DYSF: variants seen among roughly 807,000 people sequenced by gnomAD.
The protein encoded by DYSF is dystrophy-associated fer-1-like 1.
A neutral mutation model predicts 274.9 loss-of-function variants in DYSF; 212 were observed. The ratio of observed to expected loss-of-function variants is 0.77; its 90% confidence interval spans 0.69 to 0.86. DYSF has a LOEUF of 0.86. DYSF is among the 40% of genes least tolerant of loss of function. The pLI, the probability that DYSF is intolerant of heterozygous loss-of-function variation, is 0.00. For synonymous variants in DYSF, 1,091 were observed against 1,078.7 expected (o/e 1.01, Z -0.22); for missense variants, 2,666 against 2,783.2 (o/e 0.96, Z 0.95).
At chr2:71,649,731 C>T (rs142489561) in intron 42 of DYSF, among the ~76,000 whole-genome samples, 1 of 152,202 alleles carries the variant, frequency 6.6e-6, no homozygotes, top group Admixed American at 6.5e-5. Flanking sequence ...AAATACATTA[C>T]ATGACTATAT....
At chr2:71,481,840 G>A in intron 2 of DYSF, 39 bp from the exon 3 acceptor site, 2 of 1,553,036 alleles carry the variant, frequency 1.3e-6, no homozygotes, top group Non-Finnish European at 1.8e-6. Context: ...TTCTCCTAGA[G>A]GGCCATAGGT....
At chr2:71,616,439 C>T (rs2093885184) in intron 40 of DYSF, among the ~76,000 whole-genome samples, 1 of 141,358 alleles carries the variant, frequency 7.1e-6, no homozygotes, top group Admixed American at 7.5e-5. Flanking sequence ...TTTAGAGTGG[C>T]AGACTAGGGG....
chr2:71,605,437 C>G (rs17583412), intron 36 of DYSF, among the ~76,000 whole-genome samples: 79,841 of 152,096 alleles, frequency 0.52, 21,455 homozygotes, highest in East Asian at 0.74. Context: ...CTGAGGTGAT[C>G]GTGGGTCCCT....
chr2:71,641,555 C>T (rs2094486872), intron 41 of DYSF, among the ~76,000 whole-genome samples: 1 of 152,058 alleles, frequency 6.6e-6, no homozygotes, highest in South Asian at 2.1e-4. Context: ...TTACAATTTT[C>T]TTTGGTCTTT....
intron 52 of DYSF, among the ~76,000 whole-genome samples, chr2:71,674,728 C>A (rs1274215267): frequency 6.6e-6 from 1 of 152,172 alleles, no homozygotes; most frequent in Non-Finnish European, 1.5e-5. Flanking sequence ...ATCCCCATTA[C>A]CCCCAGACAG....
chr2:71,484,735 T>C (rs2083229356), intron 3 of DYSF, among the ~76,000 whole-genome samples: 1 of 152,238 alleles, frequency 6.6e-6, no homozygotes, highest in South Asian at 2.1e-4. Context: ...AAATTAGTTC[T>C]CTGTAGGGAG....
chr2:71,514,531 C>T (rs1352558734), intron 7 of DYSF, among the ~76,000 whole-genome samples: 4 of 152,026 alleles, frequency 2.6e-5, no homozygotes, highest in Non-Finnish European at 4.4e-5. Flanking sequence ...CATTTTTATC[C>T]AAAAATCCAT....
intron 43 of DYSF, among the ~76,000 whole-genome samples, chr2:71,657,137 C>T (rs1395674842): frequency 2.0e-5 from 3 of 152,160 alleles, no homozygotes; most frequent in African/African-American, 7.2e-5. Flanking sequence ...TGGGTAAATA[C>T]AGCCATTCCA....
intron 22 of DYSF, among the ~76,000 whole-genome samples, chr2:71,559,093 G>A (rs973875198): frequency 3.3e-5 from 5 of 152,088 alleles, no homozygotes; most frequent in African/African-American, 9.7e-5. Flanking sequence ...CTCATCTTCC[G>A]GGAGCCTCCC....
rs764947245 is a variant in DYSF, at chr2:71,667,510, G to A, written c.5452G>A (p.Glu1818Lys). Residue 1818 changes from glutamate to lysine, a missense_variant, in exon 48 of 56, where the codon GAG becomes AAG. By Grantham distance (56) the Glu-to-Lys change is moderately conservative. Transcript: ENST00000410020. ...PLYSPLQPDI[E>K]QGKLQMWVDL... ...CTACAGCCCCCTGCAGCCAGACATC[G>A]AGCAGGTAGGACCTTGACCCTTGGG... 14 of 1,614,052 alleles carry A rather than the reference G, an allele frequency of 8.7e-6. No homozygotes were observed. The highest frequency in any genetic ancestry group is 1.1e-5 in the South Asian group (1 of 91,076).
At chr2:71,543,821 A>G (rs1489633628) in intron 17 of DYSF, among the ~76,000 whole-genome samples, 1 of 151,996 alleles carries the variant, frequency 6.6e-6, no homozygotes, top group Non-Finnish European at 1.5e-5. Context: ...AGTACAGTCC[A>G]GCTTCGGCTC....
intron 3 of DYSF, among the ~76,000 whole-genome samples, chr2:71,491,165 C>T (rs948548844): frequency 2.0e-5 from 3 of 152,164 alleles, no homozygotes; most frequent in Non-Finnish European, 4.4e-5. Context: ...TAAAGTTGAG[C>T]ATCTTTTGTG....
chr2:71,466,756 C>A lies in DYSF; in HGVS notation c.-87C>A. On this transcript the variant is annotated 5_prime_UTR_variant, in exon 1 of 56. Coordinates refer to ENST00000410020, the MANE Select transcript of DYSF (RefSeq NM_001130987.2). ...CTCTCTTGGCGCGGCTGCCTGGGAGCCGGGCGCTTGCTGGGTGGGTGCTCG... is the reference window on the plus strand; with the variant it reads ...CTCTCTTGGCGCGGCTGCCTGGGAGACGGGCGCTTGCTGGGTGGGTGCTCG... 1 of 1,412,440 alleles carries A rather than the reference C, an allele frequency of 7.1e-7. No homozygotes were observed. Among genetic ancestry groups the A allele is most frequent in the Non-Finnish European group, 9.3e-7 (1 of 1,078,584 alleles). The allele number at this position is 1,412,440 out of a possible 1,614,324, so 87.5% of individuals were successfully genotyped here.
upstream of DYSF, among the ~76,000 whole-genome samples, chr2:71,465,913 G>C (rs2081502675): frequency 6.6e-6 from 1 of 152,238 alleles, no homozygotes; most frequent in South Asian, 2.1e-4. Flanking sequence ...AGACTAGGGA[G>C]TGTAGAGATT....
intron 43 of DYSF, 25 bp downstream of exon 43, chr2:71,656,315 C>T: frequency 6.2e-7 from 1 of 1,612,896 alleles, no homozygotes; most frequent in Non-Finnish European, 8.5e-7. Context: ...ACGTCCCTAA[C>T]CCAGGTGGGC....
At chr2:71,459,471 A>G (rs1363750820) in intron 1 of DYSF, among the ~76,000 whole-genome samples, 3 of 152,082 alleles carry the variant, frequency 2.0e-5, no homozygotes, top group African/African-American at 7.2e-5. Flanking sequence ...GGGAAATCCT[A>G]TGTGCATACT....
At chr2:71,457,250 C>T (rs1020004760) in intron 1 of DYSF, among the ~76,000 whole-genome samples, 3 of 152,186 alleles carry the variant, frequency 2.0e-5, no homozygotes, top group African/African-American at 2.4e-5. Context: ...TAGACATATA[C>T]ACCTCAGTCC....
upstream of DYSF, among the ~76,000 whole-genome samples, chr2:71,461,920 C>A (rs7582270): frequency 0.18 from 26,731 of 152,200 alleles, 2,633 homozygotes; most frequent in East Asian, 0.45. Flanking sequence ...TTATTAAATG[C>A]TAAGTAGTCT....
intron 33 of DYSF, among the ~76,000 whole-genome samples, chr2:71,599,218 C>A (rs1278371798): frequency 6.6e-6 from 1 of 152,198 alleles, no homozygotes; most frequent in Non-Finnish European, 1.5e-5. Flanking sequence ...CTCTGTGCCA[C>A]AGGCAGGGCC....
Sources: gnomAD v4.1 joint callset for allele counts (sites outside exome capture counted in the v4.1 genomes callset) on GRCh38, gnomAD v4.1.1 for gene constraint, MANE v1.5 for transcripts, NCBI Gene and HGNC (gene_info 2026-07-23, HGNC 2026-07-21) for gene names.